Variants in KLHL29 observed in about 807,000 individuals in gnomAD.
KLHL29 encodes the protein kelch like family member 29.
Under a neutral mutation model 80.4 loss-of-function variants are expected in KLHL29, and 21 were observed. That is an observed-to-expected ratio of 0.26 (90% CI 0.19 to 0.38). The LOEUF (loss-of-function observed/expected upper bound fraction) is 0.38. Among genes scored for constraint, KLHL29 ranks in the 10% least tolerant of loss-of-function variants. KLHL29 has a pLI of 1.00. For missense variants in KLHL29, 867 were observed against 1,223.9 expected (o/e 0.71, Z 4.35); for synonymous variants, 511 against 526.8 (o/e 0.97, Z 0.41).
At chr2:23,438,602 C>T (rs1473243584) in intron 1 of KLHL29, among the ~76,000 whole-genome samples, 1 of 150,046 alleles carries the variant, frequency 6.7e-6, no homozygotes, top group South Asian at 2.1e-4. Flanking sequence ...TGTTTATATG[C>T]TGGATTACAT....
intron 5 of KLHL29, among the ~76,000 whole-genome samples, chr2:23,666,549 A>G (rs1334358664): frequency 1.1e-4 from 17 of 152,226 alleles, no homozygotes; most frequent in Admixed American, 1.1e-3. Context: ...GGTGCCTTGA[A>G]GTTATGGAGA....
At chr2:23,603,074 A>T (rs1214751676) in intron 3 of KLHL29, among the ~76,000 whole-genome samples, 2 of 152,192 alleles carry the variant, frequency 1.3e-5, no homozygotes, top group Admixed American at 6.5e-5. Context: ...TGAGGTCAGG[A>T]CAATGCCTCT....
chr2:23,699,381 G>A (rs1030193311), intron 11 of KLHL29, among the ~76,000 whole-genome samples: 15 of 152,326 alleles, frequency 9.8e-5, no homozygotes, highest in Admixed American at 4.6e-4. Context: ...CATGGTGGGC[G>A]GTAGATGTGT....
intron 3 of KLHL29, among the ~76,000 whole-genome samples, chr2:23,634,214 A>G (rs756057645): frequency 7.9e-5 from 12 of 152,058 alleles, no homozygotes; most frequent in Non-Finnish European, 1.3e-4. Flanking sequence ...ACCACATGGT[A>G]CAGAGCATCG....
intron 5 of KLHL29, among the ~76,000 whole-genome samples, chr2:23,656,470 G>A (rs1380458394): frequency 1.3e-5 from 2 of 152,250 alleles, no homozygotes; most frequent in Non-Finnish European, 2.9e-5. Flanking sequence ...GCCACGCAGA[G>A]TCAGATATCA....
chr2:23,433,961 A>G (rs942769062), intron 1 of KLHL29, among the ~76,000 whole-genome samples: 3 of 151,868 alleles, frequency 2.0e-5, no homozygotes, highest in Non-Finnish European at 4.4e-5. Context: ...ATCCAAGTGC[A>G]GTAAGTTTCG....
intron 2 of KLHL29, among the ~76,000 whole-genome samples, chr2:23,543,604 C>T (rs1666903180): frequency 6.6e-6 from 1 of 152,190 alleles, no homozygotes; most frequent in Non-Finnish European, 1.5e-5. Flanking sequence ...TTCATTAGAC[C>T]TTCCAGATGG....
intron 3 of KLHL29, among the ~76,000 whole-genome samples, chr2:23,565,523 A>G (rs1667567499): frequency 6.6e-6 from 1 of 151,740 alleles, no homozygotes; most frequent in South Asian, 2.1e-4. Context: ...AGCTGGGGGG[A>G]AGAGGCCGTC....
chr2:23,478,288 C>T (rs1220201198), intron 2 of KLHL29, among the ~76,000 whole-genome samples: 1 of 152,160 alleles, frequency 6.6e-6, no homozygotes, highest in Non-Finnish European at 1.5e-5. Flanking sequence ...CTGGTGCTGG[C>T]TGTGCCCTCC....
intron 2 of KLHL29, among the ~76,000 whole-genome samples, chr2:23,487,397 A>G (rs1406301420): frequency 6.6e-6 from 1 of 152,000 alleles, no homozygotes; most frequent in Non-Finnish European, 1.5e-5. Flanking sequence ...TAATAGGCCT[A>G]TTGCATTTTT....
chr2:23,411,061 A>G (rs1258066241), intron 1 of KLHL29, among the ~76,000 whole-genome samples: 1 of 152,206 alleles, frequency 6.6e-6, no homozygotes, highest in African/African-American at 2.4e-5. Context: ...TATTCATGTA[A>G]TAAATGTTTA....
intron 2 of KLHL29, among the ~76,000 whole-genome samples, chr2:23,552,958 C>T (rs1301865057): frequency 1.2e-4 from 19 of 152,044 alleles, no homozygotes; most frequent in Admixed American, 1.2e-3. Flanking sequence ...CGTGGTTTCA[C>T]CATGTGGGCC....
chr2:23,445,846 G>A (rs1156890625), intron 1 of KLHL29, among the ~76,000 whole-genome samples: 2 of 152,076 alleles, frequency 1.3e-5, no homozygotes, highest in East Asian at 1.9e-4. Context: ...TTATGAGTAA[G>A]GTTACACATT....
chr2:23,571,469 G>T (rs1443079938), intron 3 of KLHL29, among the ~76,000 whole-genome samples: 2 of 152,186 alleles, frequency 1.3e-5, no homozygotes, highest in African/African-American at 4.8e-5. Context: ...CGCAGGCTCA[G>T]AGAAAAGTGA....
At chr2:23,632,665 T>C (rs990820325) in intron 3 of KLHL29, among the ~76,000 whole-genome samples, 5 of 152,234 alleles carry the variant, frequency 3.3e-5, no homozygotes, top group Non-Finnish European at 7.3e-5. Context: ...CTGTGCGAAT[T>C]TGCTCTTGCT....
At chr2:23,540,944 C>T (rs976908729) in intron 2 of KLHL29, among the ~76,000 whole-genome samples, 2 of 152,150 alleles carry the variant, frequency 1.3e-5, no homozygotes, top group African/African-American at 4.8e-5. Context: ...GGGTCATGGA[C>T]CCTGATTCAA....
rs185244869 is a variant in KLHL29, at chr2:23,493,660, C to T, written c.-46+17993C>T. 9.9e-5 allele frequency among the ~76,000 whole-genome samples: 15 copies of T among 151,618 alleles called. No individual in the cohort carries two copies. The East Asian group carries it at 1.2e-3, about 12-fold the overall frequency. On this transcript the variant is annotated intron_variant, in intron 2 of 13. Coordinates refer to ENST00000486442, the MANE Select transcript of KLHL29 (RefSeq NM_052920.2). ...GTGTGTGTGAGTGTGTGTGTGTGCG[C>T]GCATGTGTGTGCATGTGTATGTGTG... is the stretch of plus-strand genomic sequence containing the variant.
At chr2:23,451,549 G>T in intron 1 of KLHL29, among the ~76,000 whole-genome samples, 1 of 152,128 alleles carries the variant, frequency 6.6e-6, no homozygotes, top group East Asian at 1.9e-4. Flanking sequence ...CTCTTCCCAA[G>T]GCAGCCTCAT....
At chr2:23,507,155 G>T in intron 2 of KLHL29, 1 of 423,458 alleles carries the variant, frequency 2.4e-6, no homozygotes, top group Non-Finnish European at 5.2e-6. Context: ...TGTTGGTGGC[G>T]CTCACTCCCG....
Sources: gnomAD v4.1 joint callset for allele counts (sites outside exome capture counted in the v4.1 genomes callset) on GRCh38, gnomAD v4.1.1 for gene constraint, MANE v1.5 for transcripts, NCBI Gene and HGNC (gene_info 2026-07-23, HGNC 2026-07-21) for gene names.